The following TPTE variants were observed in gnomAD, a reference collection of about 807,000 sequenced individuals.
TPTE encodes putative tyrosine-protein phosphatase TPTE.
A neutral mutation model predicts 84.1 loss-of-function variants in TPTE; 59 were observed. That is an observed-to-expected ratio of 0.70 (90% CI 0.57 to 0.87). The LOEUF is 0.87. Ranked by LOEUF, TPTE falls within the 40% of genes least tolerant of loss-of-function variation. TPTE has a pLI of 0.00. For synonymous variants in TPTE, 130 were observed against 223.5 expected (o/e 0.58, Z 3.73); for missense variants, 382 against 659.6 (o/e 0.58, Z 4.61).
intron 3 of TPTE, among the ~76,000 whole-genome samples, chr21:10,534,806 A>G (rs2074239549): frequency 6.6e-6 from 1 of 152,428 alleles, no homozygotes; most frequent in South Asian, 2.1e-4. Flanking sequence ...TGGATACAAG[A>G]TAAGTAGATC....
chr21:10,538,580 C>T, intron 3 of TPTE, 101 bp from the exon 4 acceptor site: 1 of 1,557,992 alleles, frequency 6.4e-7, no homozygotes, highest in Admixed American at 1.8e-5. Context: ...ATAGTCAGAA[C>T]TTAACTGGTT....
intron 23 of TPTE, among the ~76,000 whole-genome samples, chr21:10,604,719 G>T (rs1979059163): frequency 6.6e-6 from 1 of 152,304 alleles, no homozygotes; most frequent in Non-Finnish European, 1.5e-5. Flanking sequence ...CTCCTCAAAA[G>T]TGGTTCTTGC....
At chr21:10,555,974 T>C (rs1032779374) in intron 8 of TPTE, among the ~76,000 whole-genome samples, 1 of 152,312 alleles carries the variant, frequency 6.6e-6, no homozygotes, top group Admixed American at 6.5e-5. Flanking sequence ...AAATCAATAC[T>C]ATTATTCATG....
intron 17 of TPTE, among the ~76,000 whole-genome samples, chr21:10,582,680 CT>C (rs1295845145): frequency 6.6e-6 from 1 of 152,312 alleles, no homozygotes; most frequent in Non-Finnish European, 1.5e-5. Flanking sequence ...AATGGAATCT[CT>C]TTTTTTCTAT....
chr21:10,566,683 CAAT>C (rs1296117447), intron 10 of TPTE, among the ~76,000 whole-genome samples: 2 of 152,294 alleles, frequency 1.3e-5, no homozygotes, highest in Non-Finnish European at 2.9e-5. Context: ...CATAAAAAAA[CAAT>C]AAGAACCCGG....
chr21:10,537,912 T>TG, intron 3 of TPTE, among the ~76,000 whole-genome samples: 1 of 152,426 alleles, frequency 6.6e-6, no homozygotes, highest in African/African-American at 2.4e-5. Flanking sequence ...CTGCATGATC[T>TG]CACTATAGGA....
At chr21:10,566,654 CAA>C (rs1467022908) in intron 10 of TPTE, among the ~76,000 whole-genome samples, 3 of 152,420 alleles carry the variant, frequency 2.0e-5, no homozygotes, top group African/African-American at 2.4e-5. Flanking sequence ...TACATATACA[CAA>C]GAGAGTATTA....
chr21:10,529,972 G>T (rs2074148514), intron 3 of TPTE, among the ~76,000 whole-genome samples: 1 of 152,298 alleles, frequency 6.6e-6, no homozygotes, highest in Admixed American at 6.5e-5. Context: ...CTATTATAAG[G>T]AGAGCTATTC....
intron 8 of TPTE, among the ~76,000 whole-genome samples, chr21:10,556,490 C>T (rs2074686784): frequency 6.6e-6 from 1 of 152,310 alleles, no homozygotes. Context: ...GTGAATAGTG[C>T]CGCAATAAAC....
At chr21:10,536,013 C>T (rs189960607) in intron 3 of TPTE, among the ~76,000 whole-genome samples, 66 of 152,398 alleles carry the variant, frequency 4.3e-4, no homozygotes, top group African/African-American at 1.5e-3. Context: ...CATGGTGGCT[C>T]ATATCTGTAA....
intron 14 of TPTE, chr21:10,576,670 A>C (rs1796711595): frequency 6.6e-6 from 1 of 152,322 alleles, no homozygotes; most frequent in African/African-American, 2.4e-5. Context: ...CATACTAATC[A>C]GTTTTAAAAT....
chr21:10,542,547 C>G lies in TPTE; in HGVS notation c.119+99C>G, dbSNP rs375716898. 148 of 1,374,764 alleles carry G rather than the reference C, an allele frequency of 1.1e-4. No homozygotes were observed. In the East Asian group the frequency reaches 1.7e-3, roughly 16 times the overall value. 85.2% of individuals were successfully genotyped at this position (1,374,764 alleles called of 1,614,324 possible). ...AAGTATACCCCATCCATCCATCCAT[C>G]CATCCATCCATCCATTCATCCATCC... On this transcript the variant is annotated intron_variant, in intron 6 of 23. Transcript: ENST00000618007.
chr21:10,576,352 G>A (rs559537675), intron 14 of TPTE: 51 of 247,714 alleles, frequency 2.1e-4, no homozygotes, highest in South Asian at 2.0e-3. Context: ...GCCACACCGC[G>A]GAAAAGGGAA....
intron 5 of TPTE, among the ~76,000 whole-genome samples, chr21:10,541,570 TAA>T (rs2074370463): frequency 6.6e-6 from 1 of 152,306 alleles, no homozygotes; most frequent in Non-Finnish European, 1.5e-5. Context: ...GTGTTCCTGA[TAA>T]TACAGTGTTT....
At chr21:10,574,798 A>T (rs376464119) in intron 14 of TPTE, among the ~76,000 whole-genome samples, 36 of 152,378 alleles carry the variant, frequency 2.4e-4, no homozygotes, top group Middle Eastern at 6.8e-3. Flanking sequence ...GTGGATCAAG[A>T]GATCCCCTTG....
At chr21:10,597,175 A>T (rs2145792111) in intron 20 of TPTE, among the ~76,000 whole-genome samples, 1 of 152,430 alleles carries the variant, frequency 6.6e-6, no homozygotes, top group Admixed American at 6.5e-5. Context: ...TTGGAAAAAA[A>T]GGAACAAAAA....
chr21:10,569,348 T>G, intron 11 of TPTE, 89 bp from the exon 12 acceptor site: 1 of 1,502,372 alleles, frequency 6.7e-7, no homozygotes, highest in Non-Finnish European at 9.0e-7. Context: ...GAAAATTGCC[T>G]CTGGTTAACA....
intron 8 of TPTE, among the ~76,000 whole-genome samples, chr21:10,553,715 T>C (rs1407563289): frequency 6.6e-6 from 1 of 152,312 alleles, no homozygotes; most frequent in Non-Finnish European, 1.5e-5. Flanking sequence ...GGGGATGATA[T>C]TGGATTTATA....
intron 7 of TPTE, among the ~76,000 whole-genome samples, chr21:10,548,861 TGA>T (rs1183182508): frequency 6.6e-6 from 1 of 152,308 alleles, no homozygotes. Flanking sequence ...ATCCTGGGCC[TGA>T]GAAACTGTCC....
Sources: gnomAD v4.1 joint callset for allele counts (sites outside exome capture counted in the v4.1 genomes callset) on GRCh38, gnomAD v4.1.1 for gene constraint, MANE v1.5 for transcripts, NCBI Gene and HGNC (gene_info 2026-07-23, HGNC 2026-07-21) for gene names.